The following AGFG1 variants were observed in gnomAD, a reference collection of about 807,000 sequenced individuals.
AGFG1 encodes the protein arf-GAP domain and FG repeat-containing protein 1.
A neutral mutation model predicts 60.6 loss-of-function variants in AGFG1; 10 were observed. The ratio of observed to expected loss-of-function variants is 0.16; its 90% CI spans 0.10 to 0.28. The LOEUF (loss-of-function observed/expected upper bound fraction) is 0.28. AGFG1 is among the 10% of genes least tolerant of loss of function. AGFG1 has a pLI of 1.00. For missense variants in AGFG1, 537 were observed against 676.5 expected, an observed-to-expected ratio of 0.79 and a Z score of 2.29; for synonymous variants, 247 against 242.9, an observed-to-expected ratio of 1.02 and a Z score of -0.16.
intron 2 of AGFG1, among the ~76,000 whole-genome samples, chr2:227,512,907 A>G (rs1160312738): frequency 6.6e-6 from 1 of 152,234 alleles, no homozygotes; most frequent in Non-Finnish European, 1.5e-5. Flanking sequence ...AGTTGGATGT[A>G]TGTAGATTGG....
chr2:227,521,863 A>AT (rs1292763059), intron 3 of AGFG1, among the ~76,000 whole-genome samples: 2 of 152,098 alleles, frequency 1.3e-5, no homozygotes, highest in East Asian at 1.9e-4. Context: ...AGTTTATGTT[A>AT]TTTTTTTTCT....
chr2:227,560,817 C>CT lies in AGFG1; in HGVS notation c.*6324dup, dbSNP rs1459666939. 6.6e-6 allele frequency: 1 copy of CT among 152,118 alleles called. No homozygotes were observed. Among genetic ancestry groups the CT allele is most frequent in the East Asian group, 1.9e-4 (1 of 5,196 alleles). The allele number at this position is 152,118 out of a possible 1,614,324, so 9.4% of individuals were successfully genotyped here. A position where few individuals can be genotyped will look rare whatever the true frequency, so the allele number is the denominator to read the frequency against. ...CTCATGGTTTGGAGCTCAGAAATTT[C>CT]TTAACATGTCTTTGCTGTTAGTCAA... On this transcript the variant is annotated 3_prime_UTR_variant, in exon 13 of 13. Coordinates refer to ENST00000310078, the MANE Select transcript of AGFG1 (RefSeq NM_004504.5).
chr2:227,489,230 T>G (rs930708189), intron 1 of AGFG1, among the ~76,000 whole-genome samples: 2 of 139,028 alleles, frequency 1.4e-5, no homozygotes, highest in African/African-American at 2.7e-5. Flanking sequence ...AGAGTTTTTT[T>G]TTTTTTTTTT....
intron 6 of AGFG1, chr2:227,532,162 G>T: frequency 6.5e-7 from 1 of 1,547,944 alleles, no homozygotes; most frequent in South Asian, 1.2e-5. Flanking sequence ...TCATCTAGCT[G>T]CAGTTTTGGT....
chr2:227,472,474 G>C lies in AGFG1; in HGVS notation c.53G>C (p.Arg18Pro). ...GAGGAGAAGCACCTGAAGATGCTGCGGGACATGACCGGCCTCCCGCACAAC... is the reference window on the plus strand; with the variant it reads ...GAGGAGAAGCACCTGAAGATGCTGCCGGACATGACCGGCCTCCCGCACAAC... Reference protein sequence around the residue: ...KQEEKHLKMLRDMTGLPHNRK... With the variant: ...KQEEKHLKMLPDMTGLPHNRK... The change falls in exon 1 of 13, where the codon CGG becomes CCG. Residue 18 changes from arginine to proline, a missense_variant. Coordinates refer to ENST00000310078, the MANE Select transcript of AGFG1 (RefSeq NM_004504.5). 6.4e-7 allele frequency: 1 copy of C among 1,573,412 alleles called. No individual in the cohort carries two copies. Among genetic ancestry groups the C allele is most frequent in the Non-Finnish European group, 8.6e-7 (1 of 1,160,412 alleles).
chr2:227,544,585 A>G (rs1293454150), intron 10 of AGFG1, among the ~76,000 whole-genome samples: 1 of 152,156 alleles, frequency 6.6e-6, no homozygotes, highest in African/African-American at 2.4e-5. Context: ...ATGTTTTTGC[A>G]GTGACTGGTA....
chr2:227,545,548 T>G (rs1434742800), intron 10 of AGFG1, among the ~76,000 whole-genome samples: 1 of 152,202 alleles, frequency 6.6e-6, no homozygotes, highest in Non-Finnish European at 1.5e-5. Flanking sequence ...GGCACTCTGG[T>G]TTTTAGAATT....
At chr2:227,472,650 G>A (rs1210365897) in intron 1 of AGFG1, 62 bp downstream of exon 1, 1 of 1,507,880 alleles carries the variant, frequency 6.6e-7, no homozygotes, top group East Asian at 2.9e-5. Flanking sequence ...AGCGGGCGGC[G>A]GGACCGGGAC....
intron 10 of AGFG1, among the ~76,000 whole-genome samples, chr2:227,547,009 G>C (rs556518616): frequency 6.6e-6 from 1 of 152,126 alleles, no homozygotes; most frequent in African/African-American, 2.4e-5. Context: ...TGCCTTAAAG[G>C]TTCAAAATTC....
At chr2:227,486,885 T>C (rs1690656367) in intron 1 of AGFG1, among the ~76,000 whole-genome samples, 1 of 152,238 alleles carries the variant, frequency 6.6e-6, no homozygotes, top group Admixed American at 6.5e-5. Context: ...AGGGTGCTAC[T>C]GACATTTAGT....
At chr2:227,510,548 A>G (rs1237286961) in intron 2 of AGFG1, among the ~76,000 whole-genome samples, 1 of 152,112 alleles carries the variant, frequency 6.6e-6, no homozygotes, top group Non-Finnish European at 1.5e-5. Context: ...GTGAGTTGAG[A>G]GGGGGCTTAG....
chr2:227,478,940 T>C (rs114390093), intron 1 of AGFG1, among the ~76,000 whole-genome samples: 1,992 of 152,346 alleles, frequency 0.013, 19 homozygotes, highest in Middle Eastern at 0.024. Context: ...TTCTCACTCA[T>C]GCCATTGTTT....
intron 10 of AGFG1, among the ~76,000 whole-genome samples, chr2:227,543,649 G>A (rs1008296696): frequency 6.6e-6 from 1 of 152,204 alleles, no homozygotes; most frequent in Non-Finnish European, 1.5e-5. Context: ...GGGATGAAGA[G>A]TTCTGTAGAT....
chr2:227,551,321 C>CGT (rs200599917), intron 10 of AGFG1, among the ~76,000 whole-genome samples: 215 of 150,788 alleles, frequency 1.4e-3, no homozygotes, highest in East Asian at 0.013. Context: ...GGGTGGGAGT[C>CGT]GTGTGTGTGT....
intron 10 of AGFG1, 109 bp downstream of exon 10, chr2:227,537,102 G>C: frequency 2.3e-6 from 2 of 857,704 alleles, no homozygotes; most frequent in Non-Finnish European, 3.7e-6. Flanking sequence ...TGAAGTGAAT[G>C]GCAATGGATA....
At chr2:227,535,615 G>A (rs1692286031) in intron 8 of AGFG1, among the ~76,000 whole-genome samples, 1 of 151,994 alleles carries the variant, frequency 6.6e-6, no homozygotes, top group African/African-American at 2.4e-5. Context: ...TTAGAGTTGC[G>A]GAAATAGTCT....
rs1374112960 is a variant in AGFG1, at chr2:227,490,911, C to G, written c.168-636C>G. ...CTTAAAAATTGTTAAATCATGCATG[C>G]AGCAATTTTTTTGAATCTCTTCCGT... On this transcript the variant is annotated intron_variant, in intron 1 of 12. Coordinates refer to ENST00000310078, the MANE Select transcript of AGFG1 (RefSeq NM_004504.5). Among the ~76,000 whole-genome samples, 2 of 152,174 alleles carry G rather than the reference C, an allele frequency of 1.3e-5. 1 individual carries two copies. Among genetic ancestry groups the G allele is most frequent in the Non-Finnish European group, 2.9e-5 (2 of 68,036 alleles).
At chr2:227,475,279 G>A (rs1307140680) in intron 1 of AGFG1, among the ~76,000 whole-genome samples, 1 of 152,138 alleles carries the variant, frequency 6.6e-6, no homozygotes, top group Non-Finnish European at 1.5e-5. Context: ...TAATTATGTC[G>A]TTGGTCCAAT....
Position 227,559,837 on chromosome 2 carries a change from T to C in AGFG1, c.*5342T>C, listed in dbSNP as rs961196444. 3 of 152,164 alleles carry C rather than the reference T, an allele frequency of 2.0e-5. No homozygotes were observed. The highest frequency in any genetic ancestry group is 7.2e-5 in the African/African-American group (3 of 41,456). The allele number at this position is 152,164 out of a possible 1,614,324, so 9.4% of individuals were successfully genotyped here. A position where few individuals can be genotyped will look rare whatever the true frequency, so the allele number is the denominator to read the frequency against. The stretch of plus-strand genomic sequence containing the variant: ...GCAGCAAGGGATTGTAAACTAATCT[T>C]ACATAGTCAATGTTTCATAGAATGC... On this transcript the variant is annotated 3_prime_UTR_variant, in exon 13 of 13. Coordinates refer to ENST00000310078, the MANE Select transcript of AGFG1 (RefSeq NM_004504.5).
Sources: gnomAD v4.1 joint callset for allele counts (sites outside exome capture counted in the v4.1 genomes callset) on GRCh38, gnomAD v4.1.1 for gene constraint, MANE v1.5 for transcripts, NCBI Gene and HGNC (gene_info 2026-07-23, HGNC 2026-07-21) for gene names.